The following RPH3A variants were observed in gnomAD, a reference collection of about 807,000 sequenced individuals.
The protein encoded by RPH3A is rabphilin-3A.
In RPH3A, 48 loss-of-function variants were observed where a neutral mutation model predicts 102.2. The observed-to-expected ratio is 0.47, with a 90% CI of 0.37 to 0.60. RPH3A has a LOEUF of 0.60. RPH3A is among the 20% of genes least tolerant of loss of function. The probability of loss-of-function intolerance (pLI) is 0.00; values close to 1 mark genes in which losing one functional copy is unlikely to be tolerated. For missense variants in RPH3A, 781 were observed against 910.1 expected, an observed-to-expected ratio of 0.86 and a Z score of 1.83; for synonymous variants, 310 against 324.3, an observed-to-expected ratio of 0.96 and a Z score of 0.47.
intron 1 of RPH3A, among the ~76,000 whole-genome samples, chr12:112,657,981 T>C (rs969503271): frequency 6.6e-6 from 1 of 151,926 alleles, no homozygotes; most frequent in Non-Finnish European, 1.5e-5. Flanking sequence ...GCTGTGCTCA[T>C]GGAACAGTGT....
At chr12:112,737,169 CA>C (rs1191355549) in intron 1 of RPH3A, among the ~76,000 whole-genome samples, 3 of 126,086 alleles carry the variant, frequency 2.4e-5, no homozygotes, top group Non-Finnish European at 5.2e-5. Flanking sequence ...AAAAAAAAAA[CA>C]AAATAAAAAA....
intron 2 of RPH3A, among the ~76,000 whole-genome samples, chr12:112,811,189 T>C (rs2041568837): frequency 6.6e-6 from 1 of 152,214 alleles, no homozygotes; most frequent in East Asian, 1.9e-4. Flanking sequence ...TGTTTAAAGA[T>C]ACCTCATTTA....
chr12:112,730,877 G>T (rs1252008732), intron 1 of RPH3A, among the ~76,000 whole-genome samples: 1 of 152,136 alleles, frequency 6.6e-6, no homozygotes, highest in Admixed American at 6.5e-5. Context: ...GCCAGCCCTG[G>T]CCATTGTTCC....
chr12:112,865,478 A>G lies in RPH3A; in HGVS notation c.295A>G (p.Ile99Val), dbSNP rs752680661. 18 of 1,614,100 alleles carry G rather than the reference A, an allele frequency of 1.1e-5. No individual in the cohort carries two copies. Among genetic ancestry groups the G allele is most frequent in the Non-Finnish European group, 1.5e-5 (18 of 1,180,002 alleles). The change falls in exon 6 of 22, where the codon ATA (isoleucine) becomes GTA (valine). Residue 99 changes from isoleucine to valine, a missense_variant. By Grantham distance (29) the Ile-to-Val change is conservative. Coordinates refer to ENST00000389385, the MANE Select transcript of RPH3A (RefSeq NM_001143854.2). ...NVAGDGVNRC[I>V]LCGEQLGMLG... The stretch of plus-strand genomic sequence containing the variant: ...GGCTGGAGATGGGGTGAACCGCTGC[A>G]TACTGTGTGGAGAACAGCTGGGGAT...
In RPH3A at chr12:112,866,903, G is replaced by A. The variant is rs1317041285; in HGVS notation, c.444+63G>A. Reference sequence around the variant, plus strand: ...TCCTTTCTTGGCCAGCTTAAGAGGTGCCTTAAGAGGTTTGTATGAAAGGAC... The same window carrying A: ...TCCTTTCTTGGCCAGCTTAAGAGGTACCTTAAGAGGTTTGTATGAAAGGAC... On this transcript the variant is annotated intron_variant, in intron 7 of 21. Transcript: ENST00000389385. The A allele has an allele frequency of 7.7e-6, 10 of 1,307,112 alleles. No individual in the cohort carries two copies. In the South Asian group the frequency reaches 8.7e-5, roughly 11 times the overall value. 81.0% of individuals were successfully genotyped at this position (1,307,112 alleles called of 1,614,324 possible). A position where few individuals can be genotyped will look rare whatever the true frequency, so the allele number is the denominator to read the frequency against.
intron 1 of RPH3A, among the ~76,000 whole-genome samples, chr12:112,751,499 C>G (rs115404407): frequency 0.01 from 1,533 of 152,268 alleles, 32 homozygotes; most frequent in African/African-American, 0.035. Flanking sequence ...AGTGTGAGGC[C>G]TGGCATGAAG....
rs59408440 is a variant in RPH3A at position 112,712,925 on chromosome 12, C to CTCTTATTCT, written c.-139-79214_-139-79213insATTCTTCTT. On this transcript the variant is annotated intron_variant, in intron 1 of 21. Transcript: ENST00000543106. ...CTTCCTCTTCTTCTTCTTCTTCTTC[C>CTCTTATTCT]TCTTCTTCTTCTTCTTCTTCTTCTT... is the stretch of plus-strand genomic sequence containing the variant. 7.4e-3 allele frequency among the ~76,000 whole-genome samples: 696 copies of CTCTTATTCT among 94,574 alleles called. 73 individuals carry two copies. In the East Asian group the frequency reaches 0.2, roughly 27 times the overall value. 62.0% of individuals were successfully genotyped at this position (94,574 alleles called of 152,430 possible).
At position 112,648,570 on chromosome 12, in the gene RPH3A, C is replaced by CAAAAAAAAAAAAAAAAAAAAAAAAAAAAA. The variant is rs1167121829; in HGVS notation, c.-140+73279_-140+73280insAAAAAAAAAAAAAAAAAAAAAAAAAAAAA. ...GCAACAGAGTGAAACCCCATCTCTA[C>CAAAAAAAAAAAAAAAAAAAAAAAAAAAAA]AAAAAAAAAAAAAAAAAAAAAAAAA... On this transcript the variant is annotated intron_variant, in intron 1 of 21. Transcript: ENST00000543106. 1.8e-4 allele frequency among the ~76,000 whole-genome samples: 2 copies of CAAAAAAAAAAAAAAAAAAAAAAAAAAAAA among 11,044 alleles called. 1 individual carries two copies. Among genetic ancestry groups the CAAAAAAAAAAAAAAAAAAAAAAAAAAAAA allele is most frequent in the African/African-American group, 8.1e-4 (2 of 2,480 alleles). 7.2% of individuals were successfully genotyped at this position (11,044 alleles called of 152,430 possible). A position where few individuals can be genotyped will look rare whatever the true frequency, so the allele number is the denominator to read the frequency against.
chr12:112,621,975 C>T (rs2135981086), intron 1 of RPH3A, among the ~76,000 whole-genome samples: 1 of 150,786 alleles, frequency 6.6e-6, no homozygotes, highest in African/African-American at 2.4e-5. Flanking sequence ...CAGGGTATTC[C>T]AACAGACCTG....
At chr12:112,812,208 A>G (rs992388003) in intron 2 of RPH3A, among the ~76,000 whole-genome samples, 4 of 152,080 alleles carry the variant, frequency 2.6e-5, no homozygotes, top group African/African-American at 9.7e-5. Flanking sequence ...TCATGTGAGA[A>G]CCCCTGGAGC....
At chr12:112,712,904 C>CTCTTCTTCTTCT (rs1387688395) in intron 1 of RPH3A, among the ~76,000 whole-genome samples, 1 of 92,542 alleles carries the variant, frequency 1.1e-5, no homozygotes, top group African/African-American at 5.5e-5. Context: ...CTTCTTCTTC[C>CTCTTCTTCTTCT]TCTTCTTCTT....
intron 1 of RPH3A, among the ~76,000 whole-genome samples, chr12:112,577,751 C>T (rs2039370034): frequency 6.7e-6 from 1 of 150,104 alleles, no homozygotes; most frequent in Non-Finnish European, 1.5e-5. Context: ...CTTTGTTGGG[C>T]AGGCTGGTCT....
intron 2 of RPH3A, among the ~76,000 whole-genome samples, chr12:112,795,507 C>A (rs1433005723): frequency 2.6e-5 from 4 of 152,184 alleles, no homozygotes; most frequent in South Asian, 2.1e-4. Flanking sequence ...TGCCTCACAC[C>A]TATCTACCTT....
At chr12:112,730,624 C>T (rs1355597077) in intron 1 of RPH3A, among the ~76,000 whole-genome samples, 3 of 152,136 alleles carry the variant, frequency 2.0e-5, no homozygotes, top group Admixed American at 1.3e-4. Context: ...GTGTTGATCC[C>T]TAGGAAACAT....
chr12:112,802,927 G>A (rs1243917731), intron 2 of RPH3A, among the ~76,000 whole-genome samples: 2 of 152,188 alleles, frequency 1.3e-5, no homozygotes, highest in African/African-American at 4.8e-5. Flanking sequence ...AAGCAGAAAG[G>A]CTCATTTTGT....
intron 1 of RPH3A, among the ~76,000 whole-genome samples, chr12:112,580,747 G>A (rs996568333): frequency 2.0e-5 from 3 of 152,128 alleles, no homozygotes; most frequent in African/African-American, 7.2e-5. Flanking sequence ...CGGGGGCGAG[G>A]TGGGGAAGTT....
chr12:112,865,638 G>A, intron 6 of RPH3A, 95 bp downstream of exon 6: 1 of 1,362,972 alleles, frequency 7.3e-7, no homozygotes, highest in Non-Finnish European at 9.9e-7. Context: ...TCTTGGGGGT[G>A]GAGCTTGGAT....
At chr12:112,881,884 A>G (rs755286067) in intron 15 of RPH3A, 38 bp downstream of exon 15, 17 of 1,555,270 alleles carry the variant, frequency 1.1e-5, no homozygotes, top group Non-Finnish European at 1.4e-5. Flanking sequence ...AACCGGGTGC[A>G]TGGGCCCTGG....
At chr12:112,648,549 C>G (rs2039949074) in intron 1 of RPH3A, among the ~76,000 whole-genome samples, 1 of 92,746 alleles carries the variant, frequency 1.1e-5, no homozygotes, top group South Asian at 3.8e-4. Flanking sequence ...GCCTAGGCAA[C>G]AGAGTGAAAC....
Sources: allele counts gnomAD v4.1 joint callset (sites outside exome capture counted in the v4.1 genomes callset), GRCh38; gene constraint gnomAD v4.1.1; transcripts MANE v1.5; gene names NCBI Gene and HGNC (gene_info 2026-07-23, HGNC 2026-07-21).